Variants in KPTN observed in about 807,000 individuals in gnomAD.
KPTN encodes KICSTOR complex protein kaptin.
In KPTN, 36 loss-of-function variants were observed where a neutral mutation model predicts 52.6. The ratio of observed to expected loss-of-function variants is 0.68; its 90% CI spans 0.52 to 0.90. The LOEUF is 0.90. KPTN is among the 40% of genes least tolerant of loss of function. The pLI is 0.00. For synonymous variants in KPTN, 271 were observed against 248.4 expected (o/e 1.09, Z -0.85); for missense variants, 529 against 576.2 (o/e 0.92, Z 0.84).
chr19:47,476,426 A>C, intron 11 of KPTN, 106 bp downstream of exon 11: 1 of 880,038 alleles, frequency 1.1e-6, no homozygotes, highest in South Asian at 1.8e-5. Flanking sequence ...GACTGGTAGG[A>C]ACTGCCTCCC....
In KPTN at chr19:47,475,368, G is replaced by A. The variant is rs752317929; in HGVS notation, c.*48C>T. 2 of 1,594,854 alleles carry A rather than the reference G, an allele frequency of 1.3e-6. No individual in the cohort carries two copies. The highest frequency in any genetic ancestry group is 1.7e-6 in the Non-Finnish European group (2 of 1,168,486). ...ACCCCCCACCAGCGGCTGGAGGTGA[G>A]CACGCCATGAGTCGCCCCAGGTCTG... On this transcript the variant is annotated 3_prime_UTR_variant, in exon 12 of 12. Transcript: ENST00000338134.
At position 47,484,217 on chromosome 19, in the gene KPTN, T is replaced by A. The variant is rs1039689036; in HGVS notation, c.-57A>T. Reference sequence around the variant, plus strand: ...CCGCCCCAACCCGCACTACCCAACCTACGACTCTCTAAGCGACCTGAACCG... The same window carrying A: ...CCGCCCCAACCCGCACTACCCAACCAACGACTCTCTAAGCGACCTGAACCG... On this transcript the variant is annotated 5_prime_UTR_variant, in exon 1 of 12. Transcript: ENST00000338134. 3.3e-6 allele frequency: 5 copies of A among 1,528,108 alleles called. No homozygotes were observed. In the South Asian group the frequency reaches 4.7e-5, roughly 14 times the overall value. 94.7% of individuals were successfully genotyped at this position (1,528,108 alleles called of 1,614,324 possible). A position where few individuals can be genotyped will look rare whatever the true frequency, so the allele number is the denominator to read the frequency against.
intron 9 of KPTN, among the ~76,000 whole-genome samples, chr19:47,477,227 C>T (rs1279126916): frequency 2.0e-5 from 3 of 152,310 alleles, no homozygotes; most frequent in South Asian, 2.1e-4. Context: ...TAGACACCCA[C>T]GCTGCCTTCG....
At chr19:47,475,862 G>A (rs1465875041) in intron 11 of KPTN, among the ~76,000 whole-genome samples, 1 of 152,076 alleles carries the variant, frequency 6.6e-6, no homozygotes, top group Admixed American at 6.5e-5. Flanking sequence ...TAGGGAGGCT[G>A]AGGCAGGACA....
At chr19:47,482,049 C>T (rs1489037106) in intron 4 of KPTN, among the ~76,000 whole-genome samples, 1 of 152,206 alleles carries the variant, frequency 6.6e-6, no homozygotes, top group Non-Finnish European at 1.5e-5. Flanking sequence ...CTTGGAATGT[C>T]AGACTCTAGA....
rs1599868502 is a variant in KPTN, at chr19:47,476,724, T to G, written c.1000-10A>C. ...TATAACACAGCAGTTCCTGCGGGGG[T>G]GAAGAATCAGGTCACACAGGTTGAT... On this transcript the variant is annotated splice_polypyrimidine_tract_variant and intron_variant, in intron 10 of 11. Coordinates refer to ENST00000338134, the MANE Select transcript of KPTN (RefSeq NM_007059.4). 1 of 1,608,312 alleles carries G rather than the reference T, an allele frequency of 6.2e-7. No homozygotes were observed.
chr19:47,475,658 G>C (rs1245006662), intron 11 of KPTN, 114 bp from the exon 12 acceptor site: 1 of 1,267,928 alleles, frequency 7.9e-7, no homozygotes, highest in African/African-American at 1.5e-5. Flanking sequence ...CACGTGGGAG[G>C]GCAGAGAGCA....
At chr19:47,480,905 C>G in intron 5 of KPTN, 53 bp downstream of exon 5, 2 of 1,610,992 alleles carry the variant, frequency 1.2e-6, no homozygotes, top group South Asian at 1.1e-5. Context: ...CCACCCAGCG[C>G]CAGCCCACAG....
At chr19:47,483,455 T>G in intron 2 of KPTN, 47 bp downstream of exon 2, 2 of 1,588,628 alleles carry the variant, frequency 1.3e-6, no homozygotes, top group Non-Finnish European at 1.7e-6. Context: ...GAACTCACCA[T>G]GTGTGTAAGG....
intron 8 of KPTN, among the ~76,000 whole-genome samples, chr19:47,479,253 G>C (rs545082676): frequency 1.3e-5 from 2 of 152,208 alleles, no homozygotes; most frequent in Non-Finnish European, 2.9e-5. Flanking sequence ...GTGTTGGTCA[G>C]GCTGGTCTTG....
intron 7 of KPTN, 39 bp downstream of exon 7, chr19:47,480,257 CCT>C: frequency 7.3e-7 from 1 of 1,365,864 alleles, no homozygotes; most frequent in Non-Finnish European, 1.0e-6. Context: ...GCCCTCTAGC[CCT>C]CAACCCCACC....
At position 47,475,347 on chromosome 19, in the gene KPTN, C is replaced by G; in HGVS notation, c.*69G>C. The G allele has an allele frequency of 5.8e-6, 9 of 1,559,528 alleles. No homozygotes were observed. The highest frequency in any genetic ancestry group is 7.0e-6 in the Non-Finnish European group (8 of 1,148,820). ...GAGCATCCTGTCCTTCAGGACACCC[C>G]CCACCAGCGGCTGGAGGTGAGCACG... On this transcript the variant is annotated 3_prime_UTR_variant, in exon 12 of 12. Coordinates refer to ENST00000338134, the MANE Select transcript of KPTN (RefSeq NM_007059.4).
intron 9 of KPTN, 75 bp downstream of exon 9, chr19:47,477,631 T>C (rs1967717886): frequency 3.6e-6 from 4 of 1,125,496 alleles, no homozygotes; most frequent in Non-Finnish European, 4.1e-6. Flanking sequence ...GAACTTACTG[T>C]AGAGAATGAC....
In KPTN at chr19:47,475,333, C is replaced by G; in HGVS notation, c.*83G>C. ...GGGAGGTCTGGGGAGAGCATCCTGT[C>G]CTTCAGGACACCCCCCACCAGCGGC... On this transcript the variant is annotated 3_prime_UTR_variant, in exon 12 of 12. Transcript: ENST00000338134. The G allele has an allele frequency of 6.6e-7, 1 of 1,517,016 alleles. No individual in the cohort carries two copies. Among genetic ancestry groups the G allele is most frequent in the Non-Finnish European group, 8.9e-7 (1 of 1,122,162 alleles). The allele number at this position is 1,517,016 out of a possible 1,614,324, so 94.0% of individuals were successfully genotyped here. A position where few individuals can be genotyped will look rare whatever the true frequency, so the allele number is the denominator to read the frequency against.
intron 7 of KPTN, 148 bp downstream of exon 7, chr19:47,480,150 C>T (rs1448592363): frequency 3.6e-6 from 2 of 558,866 alleles, no homozygotes; most frequent in Non-Finnish European, 6.4e-6. Flanking sequence ...TCGGCCCCAC[C>T]CTAGCCCCAC....
Position 47,480,942 on chromosome 19 carries a change from C to T in KPTN, c.525+16G>A, listed in dbSNP as rs749042419. 6.9e-5 allele frequency: 112 copies of T among 1,611,550 alleles called. No homozygotes were observed. Among genetic ancestry groups the T allele is most frequent in the Non-Finnish European group, 8.5e-5 (100 of 1,178,624 alleles). ...GAATCCCACAGGGCTCTGCCCAGCACGCCGCCCCACCTCACCTCCTTGTAG... is the reference window on the plus strand; with the variant it reads ...GAATCCCACAGGGCTCTGCCCAGCATGCCGCCCCACCTCACCTCCTTGTAG... On this transcript the variant is annotated intron_variant, in intron 5 of 11. Coordinates refer to ENST00000338134, the MANE Select transcript of KPTN (RefSeq NM_007059.4).
chr19:47,480,071 C>T (rs1967816768), intron 7 of KPTN, 131 bp from the exon 8 acceptor site: 2 of 668,670 alleles, frequency 3.0e-6, no homozygotes, highest in African/African-American at 4.0e-5. Context: ...TCAACCCCAC[C>T]CTAGCCCCGC....
chr19:47,479,775 G>T, intron 8 of KPTN, 88 bp downstream of exon 8: 1 of 1,085,688 alleles, frequency 9.2e-7, no homozygotes, highest in Non-Finnish European at 1.4e-6. Context: ...GGAGAGGGGT[G>T]CAAATCTGGG....
upstream of KPTN, among the ~76,000 whole-genome samples, chr19:47,485,727 G>A (rs137922205): frequency 5.4e-4 from 82 of 152,352 alleles, no homozygotes; most frequent in African/African-American, 1.9e-3. Context: ...ACTGGATAAC[G>A]GAGGTGGCAA....
Sources: gnomAD v4.1 joint callset for allele counts (sites outside exome capture counted in the v4.1 genomes callset) on GRCh38, gnomAD v4.1.1 for gene constraint, MANE v1.5 for transcripts, NCBI Gene and HGNC (gene_info 2026-07-23, HGNC 2026-07-21) for gene names.